The following PRKAG2 variants were observed in gnomAD, a reference collection of about 807,000 sequenced individuals.
PRKAG2 encodes 5'-AMP-activated protein kinase subunit gamma-2.
A neutral mutation model predicts 69.6 loss-of-function variants in PRKAG2; 26 were observed. That is an observed-to-expected ratio of 0.37 (90% CI 0.27 to 0.52). The LOEUF is 0.52. PRKAG2 is among the 20% of genes least tolerant of loss of function. The pLI, the probability that PRKAG2 is intolerant of heterozygous loss-of-function variation, is 0.90. For synonymous variants in PRKAG2, 293 were observed against 285.0 expected (o/e 1.03, Z -0.28); for missense variants, 557 against 740.0 (o/e 0.75, Z 2.87).
intron 1 of PRKAG2, among the ~76,000 whole-genome samples, chr7:151,869,310 C>A (rs935824240): frequency 6.6e-6 from 1 of 152,182 alleles, no homozygotes; most frequent in Non-Finnish European, 1.5e-5. Flanking sequence ...GTATGTAGAG[C>A]CTCGTTTATA....
At chr7:151,599,700 G>A (rs1815535858) in intron 5 of PRKAG2, among the ~76,000 whole-genome samples, 1 of 152,158 alleles carries the variant, frequency 6.6e-6, no homozygotes, top group African/African-American at 2.4e-5. Context: ...CACTAAAGCT[G>A]TCCCTAATCT....
intron 7 of PRKAG2, among the ~76,000 whole-genome samples, chr7:151,575,616 T>C (rs933831049): frequency 2.0e-5 from 3 of 152,172 alleles, no homozygotes; most frequent in Non-Finnish European, 4.4e-5. Context: ...GGCAGAGACA[T>C]CAGTCATGTT....
intron 3 of PRKAG2, among the ~76,000 whole-genome samples, chr7:151,749,329 A>G (rs891859184): frequency 2.6e-5 from 4 of 152,056 alleles, no homozygotes; most frequent in African/African-American, 9.7e-5. Context: ...CTGATGCCCC[A>G]TTTCTTTGAA....
rs942392640 is a variant in PRKAG2, at chr7:151,670,723, A to G, written c.684+4697T>C. 3.9e-5 allele frequency among the ~76,000 whole-genome samples: 6 copies of G among 152,344 alleles called. No individual in the cohort carries two copies. In the South Asian group the frequency reaches 6.2e-4, roughly 16 times the overall value. On this transcript the variant is annotated intron_variant, in intron 4 of 15. Transcript: ENST00000287878. Reference sequence around the variant, plus strand: ...GATATTCACTGACACCTTCCTATGCATAATGCACGGAGCTGTTAATCAAAT... The same window carrying G: ...GATATTCACTGACACCTTCCTATGCGTAATGCACGGAGCTGTTAATCAAAT...
At position 151,632,428 on chromosome 7, in the gene PRKAG2, G is replaced by T. The variant is rs1416501097; in HGVS notation, c.685-290C>A. ...TGGTACGGCCCGCCCGGGAGGAAGC[G>T]TGGGAAGGGACCCGGGAGCTCGAGG... On this transcript the variant is annotated intron_variant, in intron 4 of 15. Coordinates refer to ENST00000287878, the MANE Select transcript of PRKAG2 (RefSeq NM_016203.4). This position sits in a 1 kb window ranked among gnomAD's most constrained non-coding sequence, Gnocchi z 4.2. 2 of 547,120 alleles carry T rather than the reference G, an allele frequency of 3.7e-6. No individual in the cohort carries two copies. Among genetic ancestry groups the T allele is most frequent in the Admixed American group, 6.4e-5 (1 of 15,512 alleles). The allele number at this position is 547,120 out of a possible 1,614,324, so 33.9% of individuals were successfully genotyped here. A position where few individuals can be genotyped will look rare whatever the true frequency, so the allele number is the denominator to read the frequency against.
Position 151,595,463 on chromosome 7 carries a change from A to C in PRKAG2, c.755-9T>G. ...TTCTGAGTCTTCTACTGCTAAAAGA[A>C]AAAAAGGCAAAACATCAGTAATAAT... On this transcript the variant is annotated splice_polypyrimidine_tract_variant and intron_variant, in intron 5 of 15. Coordinates refer to ENST00000287878, the MANE Select transcript of PRKAG2 (RefSeq NM_016203.4). 6.3e-7 allele frequency: 1 copy of C among 1,579,168 alleles called. No individual in the cohort carries two copies. The highest frequency in any genetic ancestry group is 8.7e-7 in the Non-Finnish European group (1 of 1,148,768).
intron 3 of PRKAG2, among the ~76,000 whole-genome samples, chr7:151,722,134 C>T (rs549753344): frequency 2.0e-5 from 3 of 152,256 alleles, no homozygotes; most frequent in Middle Eastern, 6.8e-3. Context: ...GCCTGTAACC[C>T]GTATTTCTCA....
At chr7:151,595,534 A>T in intron 5 of PRKAG2, 80 bp from the exon 6 acceptor site, 2 of 954,536 alleles carry the variant, frequency 2.1e-6, no homozygotes, top group Non-Finnish European at 3.4e-6. Flanking sequence ...TAAACCTATC[A>T]CTAACAGACT....
At chr7:151,674,606 C>T (rs1235098751) in intron 4 of PRKAG2, among the ~76,000 whole-genome samples, 1 of 152,168 alleles carries the variant, frequency 6.6e-6, no homozygotes, top group Non-Finnish European at 1.5e-5. Context: ...CACGGAGATT[C>T]GCTGCCTCGG....
intron 1 of PRKAG2, among the ~76,000 whole-genome samples, chr7:151,832,041 T>A (rs111431411): frequency 6.6e-6 from 1 of 152,122 alleles, no homozygotes; most frequent in East Asian, 1.9e-4. Context: ...ATCTCCAAGA[T>A]GGAGGAATCT....
In PRKAG2 at chr7:151,570,175, C is replaced by T. The variant is rs769212614; in HGVS notation, c.1102G>A (p.Ala368Thr). ...AGAAAAAAAAAACAAGTTTACCTTG[C>T]ATCTGGAGATATATTCACTAAAGGC... Reference protein sequence around the residue: ...FKPLVNISPDASLFDAVYSLI... With the variant: ...FKPLVNISPDTSLFDAVYSLI... The change falls in exon 10 of 16, where the codon GCA becomes ACA. Residue 368 changes from alanine to threonine, a missense_variant. Ala to Thr is a moderately conservative substitution (Grantham distance 58). Transcript: ENST00000287878. 1.3e-6 allele frequency: 2 copies of T among 1,599,700 alleles called. No homozygotes were observed. Among genetic ancestry groups the T allele is most frequent in the African/African-American group, 2.7e-5 (2 of 74,730 alleles).
At chr7:151,616,986 G>A (rs891271605) in intron 5 of PRKAG2, among the ~76,000 whole-genome samples, 2 of 152,094 alleles carry the variant, frequency 1.3e-5, no homozygotes, top group Non-Finnish European at 2.9e-5. Context: ...TAGGCCGGGC[G>A]CGGGGGCTCA....
In PRKAG2 at chr7:151,851,478, G is replaced by A. The variant is rs111588108; in HGVS notation, c.114+25029C>T. Reference sequence around the variant, plus strand: ...ACTCCTGGCTGGCCCAGGCTGGTGCGGGGATCTGAGACGTGGAGTCGCAAT... The same window carrying A: ...ACTCCTGGCTGGCCCAGGCTGGTGCAGGGATCTGAGACGTGGAGTCGCAAT... On this transcript the variant is annotated intron_variant, in intron 1 of 15. Coordinates refer to ENST00000287878, the MANE Select transcript of PRKAG2 (RefSeq NM_016203.4). 4.5e-3 allele frequency among the ~76,000 whole-genome samples: 683 copies of A among 152,346 alleles called. 7 individuals carry two copies. The highest frequency in any genetic ancestry group is 0.016 in the African/African-American group (654 of 41,576).
chr7:151,847,409 C>T (rs1488247877), intron 1 of PRKAG2, among the ~76,000 whole-genome samples: 1 of 152,120 alleles, frequency 6.6e-6, no homozygotes, highest in East Asian at 1.9e-4. Flanking sequence ...CTTCTATGAT[C>T]AGCTCTGTTC....
intron 3 of PRKAG2, among the ~76,000 whole-genome samples, chr7:151,724,774 C>T (rs1433980726): frequency 6.6e-6 from 1 of 152,192 alleles, no homozygotes; most frequent in Non-Finnish European, 1.5e-5. Context: ...CCTGCTAGGG[C>T]TCCAAGTGCC....
chr7:151,831,198 A>G (rs878863365), intron 1 of PRKAG2, among the ~76,000 whole-genome samples: 1 of 152,344 alleles, frequency 6.6e-6, no homozygotes, highest in African/African-American at 2.4e-5. Context: ...GAAGTTAAAT[A>G]TAAAGTCACA....
At chr7:151,778,050 A>G (rs1189412367) in intron 3 of PRKAG2, among the ~76,000 whole-genome samples, 2 of 152,094 alleles carry the variant, frequency 1.3e-5, no homozygotes, top group Admixed American at 1.3e-4. Context: ...CTGGCAACCA[A>G]TGGACCCCAC....
intron 3 of PRKAG2, among the ~76,000 whole-genome samples, chr7:151,746,054 G>A (rs958490762): frequency 6.7e-6 from 1 of 148,772 alleles, no homozygotes; most frequent in African/African-American, 2.5e-5. Context: ...AGCCATTTGG[G>A]TTTTCTGTTT....
chr7:151,578,180 A>G (rs993094083), intron 6 of PRKAG2, among the ~76,000 whole-genome samples: 1 of 152,026 alleles, frequency 6.6e-6, no homozygotes. Context: ...CCTCGTCTCC[A>G]CTAAAAATAC....
Sources: allele counts gnomAD v4.1 joint callset (sites outside exome capture counted in the v4.1 genomes callset), GRCh38; gene constraint gnomAD v4.1.1; non-coding constraint Gnocchi (gnomAD v3.1); transcripts MANE v1.5; gene names NCBI Gene and HGNC (gene_info 2026-07-23, HGNC 2026-07-21).